Variants in NDUFA10 observed in about 807,000 individuals in gnomAD.
NDUFA10 encodes NADH dehydrogenase [ubiquinone] 1 alpha subcomplex subunit 10, mitochondrial.
Under a neutral mutation model 47.8 loss-of-function variants are expected in NDUFA10, and 40 were observed. The observed-to-expected ratio is 0.84, with a 90% CI of 0.65 to 1.09. NDUFA10 has a LOEUF of 1.09. NDUFA10 is among the 50% of genes least tolerant of loss of function. The probability of loss-of-function intolerance (pLI) is 0.00; values close to 1 mark genes in which losing one functional copy is unlikely to be tolerated. For missense variants in NDUFA10, 413 were observed against 451.1 expected (o/e 0.92, Z 0.76); for synonymous variants, 183 against 172.2 (o/e 1.06, Z -0.49).
At chr2:239,980,526 T>C (rs1695729578) in intron 9 of NDUFA10, among the ~76,000 whole-genome samples, 1 of 152,216 alleles carries the variant, frequency 6.6e-6, no homozygotes, top group Non-Finnish European at 1.5e-5. Flanking sequence ...ATATAAAATG[T>C]AGACTTTCTA....
chr2:239,997,573 G>A (rs1452598227), intron 8 of NDUFA10, among the ~76,000 whole-genome samples: 4 of 152,158 alleles, frequency 2.6e-5, no homozygotes, highest in Non-Finnish European at 5.9e-5. Flanking sequence ...TGTAAAATGC[G>A]TTCATATACT....
intron 8 of NDUFA10, among the ~76,000 whole-genome samples, chr2:240,000,159 T>C (rs1411898776): frequency 2.0e-5 from 3 of 152,248 alleles, no homozygotes; most frequent in Admixed American, 2.0e-4. Context: ...CATTTCATCG[T>C]GATTTTTAGA....
chr2:239,930,649 C>T (rs1036346023), intron 4 of NDUFA10, among the ~76,000 whole-genome samples: 18 of 151,992 alleles, frequency 1.2e-4, no homozygotes, highest in African/African-American at 4.4e-4. Flanking sequence ...GTACACAGGG[C>T]GGGGTTGTGG....
chr2:240,024,247 T>C (rs1392183963), intron 1 of NDUFA10, among the ~76,000 whole-genome samples: 3 of 152,190 alleles, frequency 2.0e-5, no homozygotes, highest in East Asian at 1.9e-4. Flanking sequence ...GCTGAATGAA[T>C]TGAAGTACAT....
At chr2:239,950,849 G>A (rs186916330) in intron 4 of NDUFA10, among the ~76,000 whole-genome samples, 296 of 152,308 alleles carry the variant, frequency 1.9e-3, no homozygotes, top group South Asian at 4.8e-3. Flanking sequence ...TCAAGTAGGT[G>A]CCTGTCTAGT....
At chr2:239,920,870 G>T (rs546586909) in intron 4 of NDUFA10, among the ~76,000 whole-genome samples, 1 of 152,326 alleles carries the variant, frequency 6.6e-6, no homozygotes, top group East Asian at 1.9e-4. Flanking sequence ...GAGGTGCCTG[G>T]TCATTGGCTG....
intron 1 of NDUFA10, 86 bp downstream of exon 1, chr2:240,025,141 G>T: frequency 8.4e-7 from 1 of 1,187,336 alleles, no homozygotes. Flanking sequence ...CGCCGCCAGA[G>T]GCCGGGGGAG....
At chr2:239,998,712 G>C (rs1200743379) in intron 8 of NDUFA10, among the ~76,000 whole-genome samples, 1 of 152,164 alleles carries the variant, frequency 6.6e-6, no homozygotes, top group African/African-American at 2.4e-5. Context: ...TAAAAATTAC[G>C]GGCAGTGAGT....
downstream of NDUFA10, among the ~76,000 whole-genome samples, chr2:239,956,679 G>C (rs1053737919): frequency 6.6e-6 from 1 of 152,182 alleles, no homozygotes; most frequent in Non-Finnish European, 1.5e-5. Flanking sequence ...CTTTCTGTTC[G>C]TGCTTCCTAA....
At chr2:239,901,107 G>A (rs1385203445) in intron 4 of NDUFA10, among the ~76,000 whole-genome samples, 3 of 152,130 alleles carry the variant, frequency 2.0e-5, no homozygotes, top group Non-Finnish European at 4.4e-5. Flanking sequence ...CTCTGGTTAG[G>A]GGCATTACGC....
At position 240,022,350 on chromosome 2, in the gene NDUFA10, A is replaced by G; in HGVS notation, c.76-10T>C. 6.2e-7 allele frequency: 1 copy of G among 1,614,062 alleles called. No homozygotes were observed. The highest frequency in any genetic ancestry group is 8.5e-7 in the Non-Finnish European group (1 of 1,179,974). On this transcript the variant is annotated splice_polypyrimidine_tract_variant and intron_variant, in intron 1 of 9. Transcript: ENST00000252711. ...TGCTATGAATTCCTCTCTGAAAAACACAAAATCACACAGCAGCACATTGTG... is the reference window on the plus strand; with the variant it reads ...TGCTATGAATTCCTCTCTGAAAAACGCAAAATCACACAGCAGCACATTGTG...
chr2:240,003,194 T>TA (rs1162656098), intron 8 of NDUFA10, among the ~76,000 whole-genome samples: 2 of 152,150 alleles, frequency 1.3e-5, no homozygotes, highest in Admixed American at 6.5e-5. Context: ...TCAGTGAACT[T>TA]TTAGTGACAT....
At chr2:239,988,173 A>G (rs962148984) in intron 9 of NDUFA10, among the ~76,000 whole-genome samples, 4 of 152,198 alleles carry the variant, frequency 2.6e-5, no homozygotes, top group African/African-American at 9.7e-5. Flanking sequence ...AAAGACACAG[A>G]AAGCTTGAAA....
At chr2:240,020,797 C>A (rs1008316092) in intron 3 of NDUFA10, among the ~76,000 whole-genome samples, 1 of 152,166 alleles carries the variant, frequency 6.6e-6, no homozygotes, top group Non-Finnish European at 1.5e-5. Context: ...CCGGGACAAC[C>A]CTATGTTGTT....
chr2:240,013,311 A>T (rs1485393093), intron 5 of NDUFA10: 1 of 152,244 alleles, frequency 6.6e-6, no homozygotes, highest in Non-Finnish European at 1.5e-5. Flanking sequence ...ACCTGATGAC[A>T]GTATTGAAGA....
At chr2:239,981,628 C>T (rs1695779184) in intron 9 of NDUFA10, among the ~76,000 whole-genome samples, 1 of 152,154 alleles carries the variant, frequency 6.6e-6, no homozygotes, top group Non-Finnish European at 1.5e-5. Flanking sequence ...AAGCATTACT[C>T]GTTTTCCAAG....
At chr2:239,929,057 C>G (rs140202419) in intron 4 of NDUFA10, among the ~76,000 whole-genome samples, 14 of 152,376 alleles carry the variant, frequency 9.2e-5, no homozygotes, top group African/African-American at 3.1e-4. Context: ...GAACCCCCTC[C>G]CGTGCCTTCC....
At chr2:240,008,474 G>C (rs955210947) in intron 6 of NDUFA10, among the ~76,000 whole-genome samples, 1 of 152,222 alleles carries the variant, frequency 6.6e-6, no homozygotes, top group Admixed American at 6.5e-5. Context: ...TTAATACGAA[G>C]AGAAAGGCAC....
chr2:239,902,368 T>A (rs769146384), intron 4 of NDUFA10, among the ~76,000 whole-genome samples: 29 of 152,088 alleles, frequency 1.9e-4, no homozygotes, highest in Non-Finnish European at 4.0e-4. Context: ...GTGAAATGAT[T>A]ACAACTTGCG....
Sources: allele counts gnomAD v4.1 joint callset (sites outside exome capture counted in the v4.1 genomes callset), GRCh38; gene constraint gnomAD v4.1.1; transcripts MANE v1.5; gene names NCBI Gene and HGNC (gene_info 2026-07-23, HGNC 2026-07-21).